The following DAB2IP variants were observed in gnomAD, a reference collection of about 807,000 sequenced individuals.
DAB2IP encodes the protein disabled homolog 2-interacting protein.
A neutral mutation model predicts 107.2 loss-of-function variants in DAB2IP; 28 were observed. The ratio of observed to expected loss-of-function variants is 0.26; its 90% confidence interval spans 0.19 to 0.36. The LOEUF (loss-of-function observed/expected upper bound fraction) is 0.36. Ranked by LOEUF, DAB2IP falls within the 10% of genes least tolerant of loss-of-function variation. The pLI, the probability that DAB2IP is intolerant of heterozygous loss-of-function variation, is 1.00. For missense variants in DAB2IP, 1,400 were observed against 1,644.7 expected, an observed-to-expected ratio of 0.85 and a Z score of 2.57; for synonymous variants, 755 against 706.4, an observed-to-expected ratio of 1.07 and a Z score of -1.09.
intron 2 of DAB2IP, among the ~76,000 whole-genome samples, chr9:121,686,223 G>C (rs1377134025): frequency 6.6e-6 from 1 of 152,202 alleles, no homozygotes; most frequent in East Asian, 1.9e-4. Flanking sequence ...CCTTGGGCAG[G>C]GGTAGGGGGA....
intron 1 of DAB2IP, among the ~76,000 whole-genome samples, chr9:121,665,444 A>G (rs1046693845): frequency 6.6e-6 from 1 of 152,234 alleles, no homozygotes; most frequent in Non-Finnish European, 1.5e-5. Context: ...GAAAAATAAG[A>G]TGAATTAAAT....
chr9:121,699,389 G>A lies in DAB2IP; in HGVS notation c.293G>A (p.Arg98His), dbSNP rs755669000. 9 of 1,471,916 alleles carry A rather than the reference G, an allele frequency of 6.1e-6. No individual in the cohort carries two copies. The highest frequency in any genetic ancestry group is 2.9e-5 in the African/African-American group (2 of 68,016). 91.2% of individuals were successfully genotyped at this position (1,471,916 alleles called of 1,614,324 possible). A position where few individuals can be genotyped will look rare whatever the true frequency, so the allele number is the denominator to read the frequency against. Residue 98 changes from arginine (R) to histidine (H), a missense_variant, in exon 3 of 16, where the codon CGC (arginine) becomes CAC (histidine). By Grantham distance (29) the Arg-to-His change is conservative. Transcript: ENST00000408936. This position sits in a 1 kb window ranked among gnomAD's most constrained non-coding sequence, Gnocchi z 6.2. Reference sequence around the variant, plus strand: ...ACCAAGAGCCAGCCCAAGCTGGACCGCAACCACAGCTTCCGCCACATCCTG... The same window carrying A: ...ACCAAGAGCCAGCCCAAGCTGGACCACAACCACAGCTTCCGCCACATCCTG...
chr9:121,702,768 G>T lies in DAB2IP; in HGVS notation c.362+3310G>T, dbSNP rs976231059. ...ATTTATTTATTAATGTTACTGAGGA[G>T]CTAGGAGGGTCAGTTGGCAATATTA... On this transcript the variant is annotated intron_variant, in intron 3 of 15. Coordinates refer to ENST00000408936, the Ensembl canonical transcript of DAB2IP. The surrounding 1 kb of genome is among the most constrained non-coding windows in gnomAD (Gnocchi z 4.5). 6.6e-6 allele frequency among the ~76,000 whole-genome samples: 1 copy of T among 152,156 alleles called. No homozygotes were observed. Among genetic ancestry groups the T allele is most frequent in the East Asian group, 1.9e-4 (1 of 5,200 alleles).
At chr9:121,570,739 G>T (rs1829918492) in intron 1 of DAB2IP, among the ~76,000 whole-genome samples, 1 of 151,856 alleles carries the variant, frequency 6.6e-6, no homozygotes, top group Non-Finnish European at 1.5e-5. Flanking sequence ...GTAGAGACAG[G>T]GTTTGCCCAC....
At chr9:121,650,604 T>C (rs1832705683), upstream of DAB2IP, among the ~76,000 whole-genome samples, 1 of 152,312 alleles carries the variant, frequency 6.6e-6, no homozygotes, top group African/African-American at 2.4e-5. Flanking sequence ...AAGACCTCCT[T>C]GCCAAGGCCT....
At chr9:121,612,665 T>A (rs1831136626) in intron 1 of DAB2IP, among the ~76,000 whole-genome samples, 1 of 152,096 alleles carries the variant, frequency 6.6e-6, no homozygotes, top group African/African-American at 2.4e-5. Context: ...AGGGTCCTCC[T>A]TAGAGAGAGA....
intron 1 of DAB2IP, among the ~76,000 whole-genome samples, chr9:121,578,967 C>T (rs1000688536): frequency 6.6e-6 from 1 of 151,980 alleles, no homozygotes; most frequent in African/African-American, 2.4e-5. Flanking sequence ...TCTGAACGGG[C>T]CCACCAGTGG....
chr9:121,756,776 C>T (rs1463696596), intron 3 of DAB2IP, among the ~76,000 whole-genome samples: 1 of 152,268 alleles, frequency 6.6e-6, no homozygotes, highest in East Asian at 1.9e-4. Context: ...GCCTAATCCT[C>T]ACCTTCTTGC....
At chr9:121,609,025 T>G (rs1318614479) in intron 1 of DAB2IP, among the ~76,000 whole-genome samples, 1 of 152,232 alleles carries the variant, frequency 6.6e-6, no homozygotes. Context: ...CACTGCAACC[T>G]CTGCATCCCA....
At chr9:121,746,550 A>G (rs1832733591) in intron 3 of DAB2IP, among the ~76,000 whole-genome samples, 1 of 152,030 alleles carries the variant, frequency 6.6e-6, no homozygotes, top group African/African-American at 2.4e-5. Context: ...TCCCTAGATC[A>G]CCCCAACATG....
chr9:121,673,818 G>A (rs2119123403), intron 1 of DAB2IP, among the ~76,000 whole-genome samples: 1 of 152,264 alleles, frequency 6.6e-6, no homozygotes, highest in Non-Finnish European at 1.5e-5. Context: ...TGTTCAGTGT[G>A]ACCACGGGCA....
chr9:121,567,964 G>A (rs910730082), intron 1 of DAB2IP, among the ~76,000 whole-genome samples: 2 of 152,134 alleles, frequency 1.3e-5, no homozygotes, highest in South Asian at 2.1e-4. Context: ...AAGGAGGGAC[G>A]CAAGAGTGCA....
chr9:121,739,860 G>A (rs1832206544), intron 3 of DAB2IP, among the ~76,000 whole-genome samples: 2 of 152,182 alleles, frequency 1.3e-5, no homozygotes, highest in South Asian at 2.1e-4. Context: ...CTAAGGAAGT[G>A]TCTCCGAAAC....
rs1830613455 is a variant in DAB2IP at position 121,599,387 on chromosome 9, G to GT, written c.40+32160dup. 6.6e-6 allele frequency among the ~76,000 whole-genome samples: 1 copy of GT among 152,118 alleles called. No individual in the cohort carries two copies. Among genetic ancestry groups the GT allele is most frequent in the African/African-American group, 2.4e-5 (1 of 41,450 alleles). ...CCAGTCCGGCCTGGGCGGGGCGGTGGTGGGGAGGTCGATTGACCAAACAGG... is the reference window on the plus strand; with the variant it reads ...CCAGTCCGGCCTGGGCGGGGCGGTGGTTGGGGAGGTCGATTGACCAAACAGG... On this transcript the variant is annotated intron_variant, in intron 1 of 16. Coordinates refer to the DAB2IP transcript ENST00000259371. The surrounding 1 kb of genome is among the most constrained non-coding windows in gnomAD (Gnocchi z 6.9).
At chr9:121,605,910 A>G (rs1366144412) in intron 1 of DAB2IP, among the ~76,000 whole-genome samples, 1 of 152,224 alleles carries the variant, frequency 6.6e-6, no homozygotes, top group Admixed American at 6.5e-5. Context: ...ACAGACATGA[A>G]CATCGAGGAG....
chr9:121,777,185 T>G (rs1835265051), intron 14 of DAB2IP, among the ~76,000 whole-genome samples: 2 of 151,996 alleles, frequency 1.3e-5, no homozygotes, highest in African/African-American at 4.8e-5. Context: ...GGAGAGACAG[T>G]GTGTCTTGTT....
intron 3 of DAB2IP, among the ~76,000 whole-genome samples, chr9:121,723,071 T>C (rs1239335704): frequency 6.6e-6 from 1 of 152,196 alleles, no homozygotes; most frequent in Non-Finnish European, 1.5e-5. Flanking sequence ...TGAGGGAGCC[T>C]AGCTGCCATG....
chr9:121,598,176 C>G (rs1206055601), intron 1 of DAB2IP: 3 of 152,308 alleles, frequency 2.0e-5, no homozygotes, highest in Non-Finnish European at 2.9e-5. Flanking sequence ...CCCGCCCTCC[C>G]GCCTCGAGAG....
chr9:121,721,384 A>G (rs957054267), intron 3 of DAB2IP, among the ~76,000 whole-genome samples: 1 of 152,210 alleles, frequency 6.6e-6, no homozygotes, highest in African/African-American at 2.4e-5. Context: ...TTTATTCCTT[A>G]TTCCACAAAC....
Sources: allele counts gnomAD v4.1 joint callset (sites outside exome capture counted in the v4.1 genomes callset), GRCh38; gene constraint gnomAD v4.1.1; non-coding constraint Gnocchi (gnomAD v3.1); transcripts MANE v1.5; gene names NCBI Gene and HGNC (gene_info 2026-07-23, HGNC 2026-07-21).